The following THSD7B variants were observed in gnomAD, a reference collection of about 807,000 sequenced individuals.
THSD7B encodes the protein thrombospondin type-1 domain-containing protein 7B.
A neutral mutation model predicts 213.6 loss-of-function variants in THSD7B; 138 were observed. The observed-to-expected ratio is 0.65, with a 90% CI of 0.56 to 0.74. The LOEUF (loss-of-function observed/expected upper bound fraction) is 0.74, where lower values mean the gene tolerates loss of function less well. THSD7B is among the 30% of genes least tolerant of loss of function. The pLI, the probability that THSD7B is intolerant of heterozygous loss-of-function variation, is 0.00. For synonymous variants in THSD7B, 742 were observed against 687.0 expected, an observed-to-expected ratio of 1.08 and a Z score of -1.25; for missense variants, 1,931 against 1,991.5, an observed-to-expected ratio of 0.97 and a Z score of 0.58.
At chr2:136,916,099 G>A (rs959193726) in intron 2 of THSD7B, among the ~76,000 whole-genome samples, 1 of 152,130 alleles carries the variant, frequency 6.6e-6, no homozygotes, top group Non-Finnish European at 1.5e-5. Context: ...ACAGGTACAG[G>A]CAATGATGGA....
chr2:137,566,577 T>C (rs903637832), intron 16 of THSD7B, among the ~76,000 whole-genome samples: 2 of 152,200 alleles, frequency 1.3e-5, no homozygotes, highest in Non-Finnish European at 2.9e-5. Flanking sequence ...TATCCACCTC[T>C]TAATTCAGTC....
chr2:136,802,528 A>G (rs1284402346), intron 1 of THSD7B, among the ~76,000 whole-genome samples: 2 of 151,234 alleles, frequency 1.3e-5, no homozygotes, highest in Admixed American at 6.6e-5. Context: ...AAAATATTCA[A>G]CAATTGAAAT....
At chr2:136,941,198 T>C (rs1198958409) in intron 2 of THSD7B, among the ~76,000 whole-genome samples, 1 of 152,218 alleles carries the variant, frequency 6.6e-6, no homozygotes, top group African/African-American at 2.4e-5. Flanking sequence ...TCCTTTTTTA[T>C]GGCTGCATAG....
chr2:136,941,769 G>A (rs1237818950), intron 2 of THSD7B, among the ~76,000 whole-genome samples: 1 of 152,048 alleles, frequency 6.6e-6, no homozygotes, highest in Non-Finnish European at 1.5e-5. Context: ...TGGATAGATT[G>A]CAAAAATTTT....
At chr2:137,203,027 CATAG>C (rs989891441) in intron 7 of THSD7B, among the ~76,000 whole-genome samples, 21 of 132,820 alleles carry the variant, frequency 1.6e-4, no homozygotes, top group African/African-American at 6.2e-4. Flanking sequence ...GACAAACAGA[CATAG>C]ATAGATAATG....
At chr2:137,090,371 G>A (rs1687928446) in intron 3 of THSD7B, among the ~76,000 whole-genome samples, 1 of 151,964 alleles carries the variant, frequency 6.6e-6, no homozygotes, top group Non-Finnish European at 1.5e-5. Context: ...AGGTATGGAA[G>A]TATTTGTTAT....
chr2:137,506,019 A>G (rs994081801), intron 15 of THSD7B, among the ~76,000 whole-genome samples: 1 of 152,124 alleles, frequency 6.6e-6, no homozygotes, highest in Admixed American at 6.5e-5. Flanking sequence ...GAGGTAGTTG[A>G]GGTGTGGACT....
intron 13 of THSD7B, among the ~76,000 whole-genome samples, chr2:137,409,274 A>T (rs1686596947): frequency 6.6e-6 from 1 of 152,210 alleles, no homozygotes; most frequent in Non-Finnish European, 1.5e-5. Flanking sequence ...TTTCAGCTGG[A>T]GATTTGCAGG....
intron 2 of THSD7B, among the ~76,000 whole-genome samples, chr2:136,925,221 T>C (rs1338177584): frequency 5.9e-5 from 9 of 152,214 alleles, no homozygotes; most frequent in Non-Finnish European, 1.0e-4. Flanking sequence ...TGGATAGCAG[T>C]GGTGAGAGTG....
In THSD7B at chr2:137,666,236, G is replaced by T. The variant is rs945818721; in HGVS notation, c.4652-1538G>T. On this transcript the variant is annotated intron_variant, in intron 26 of 27. Transcript: ENST00000409968. The stretch of plus-strand genomic sequence containing the variant: ...CTCCCAATGCACCAATCCATAAGTT[G>T]TTATGGATTATAAGCTATAAGGAGC... Among the ~76,000 whole-genome samples, 4 of 151,984 alleles carry T rather than the reference G, an allele frequency of 2.6e-5. 1 individual carries two copies. Among genetic ancestry groups the T allele is most frequent in the Admixed American group, 1.3e-4 (2 of 15,248 alleles).
chr2:137,069,175 A>G (rs1230383268), intron 3 of THSD7B, among the ~76,000 whole-genome samples: 1 of 152,030 alleles, frequency 6.6e-6, no homozygotes, highest in Non-Finnish European at 1.5e-5. Flanking sequence ...CTGAGGTTCC[A>G]TTATTACATT....
At chr2:137,195,210 C>T (rs774620132) in intron 7 of THSD7B, among the ~76,000 whole-genome samples, 3 of 150,754 alleles carry the variant, frequency 2.0e-5, no homozygotes, top group Non-Finnish European at 4.4e-5. Flanking sequence ...CTGCATATAG[C>T]TATTTGTATG....
chr2:137,381,504 T>C (rs553003497), intron 12 of THSD7B, among the ~76,000 whole-genome samples: 11 of 152,222 alleles, frequency 7.2e-5, no homozygotes, highest in Admixed American at 3.9e-4. Context: ...GAGGCCCGGC[T>C]TCAGAGCTTG....
intron 15 of THSD7B, among the ~76,000 whole-genome samples, chr2:137,473,559 C>A (rs1418717143): frequency 6.6e-6 from 1 of 152,144 alleles, no homozygotes; most frequent in Non-Finnish European, 1.5e-5. Flanking sequence ...ATCAAGAGAA[C>A]TCTCAAACCT....
chr2:136,897,804 G>A (rs190501501), intron 2 of THSD7B, among the ~76,000 whole-genome samples: 182 of 152,028 alleles, frequency 1.2e-3, no homozygotes, highest in African/African-American at 4.2e-3. Context: ...GTGCTGATTG[G>A]TGCGCTTACA....
chr2:136,840,850 A>C (rs966409636), intron 1 of THSD7B, among the ~76,000 whole-genome samples: 1 of 152,302 alleles, frequency 6.6e-6, no homozygotes, highest in Non-Finnish European at 1.5e-5. Flanking sequence ...AGGGGCATGC[A>C]GTAAGTAGAG....
intron 12 of THSD7B, among the ~76,000 whole-genome samples, chr2:137,303,704 T>TA (rs1683665917): frequency 1.6e-5 from 2 of 121,520 alleles, no homozygotes; most frequent in Non-Finnish European, 3.5e-5. Context: ...TTATATATAT[T>TA]TATATATATA....
chr2:136,880,919 A>G (rs1342928157), intron 1 of THSD7B, among the ~76,000 whole-genome samples: 1 of 152,056 alleles, frequency 6.6e-6, no homozygotes, highest in Non-Finnish European at 1.5e-5. Flanking sequence ...TGAAGCCCAA[A>G]TCCCTCATAT....
At chr2:136,898,580 C>A (rs749565390) in intron 2 of THSD7B, among the ~76,000 whole-genome samples, 2,143 of 53,970 alleles carry the variant, frequency 0.04, 70 homozygotes, top group Non-Finnish European at 0.081. Flanking sequence ...TGTCCCCCCG[C>A]CCCCCCGCCA....
Sources: gnomAD v4.1 joint callset for allele counts (sites outside exome capture counted in the v4.1 genomes callset) on GRCh38, gnomAD v4.1.1 for gene constraint, MANE v1.5 for transcripts, NCBI Gene and HGNC (gene_info 2026-07-23, HGNC 2026-07-21) for gene names.